BMPR2: variants seen among roughly 807,000 people sequenced by gnomAD.
BMPR2 encodes bone morphogenetic protein receptor type 2, also known as bone morphogenetic protein receptor type-2.
In BMPR2, 29 loss-of-function variants were observed where a neutral mutation model predicts 100.8. That is an observed-to-expected ratio of 0.29 (90% CI 0.21 to 0.39). The LOEUF is 0.39. BMPR2 is among the 10% of genes least tolerant of loss of function. The pLI is 1.00. For synonymous variants in BMPR2, 382 were observed against 442.3 expected (o/e 0.86, Z 1.71); for missense variants, 1,011 against 1,274.5 (o/e 0.79, Z 3.15).
At chr2:202,458,082 G>A (rs959830712) in intron 1 of BMPR2, among the ~76,000 whole-genome samples, 2 of 151,722 alleles carry the variant, frequency 1.3e-5, no homozygotes, top group Non-Finnish European at 2.9e-5. Flanking sequence ...AAATGATATG[G>A]TAACACATGG....
At chr2:202,536,667 G>A (rs1402628975) in intron 9 of BMPR2, among the ~76,000 whole-genome samples, 3 of 151,940 alleles carry the variant, frequency 2.0e-5, no homozygotes, top group Admixed American at 2.0e-4. Flanking sequence ...GAGGTCGGGA[G>A]TTCAAGACCA....
At chr2:202,418,847 C>T (rs1179335348) in intron 1 of BMPR2, among the ~76,000 whole-genome samples, 1 of 152,132 alleles carries the variant, frequency 6.6e-6, no homozygotes, top group Non-Finnish European at 1.5e-5. Flanking sequence ...TCTTCTGGAT[C>T]AGGGAAAAGA....
intron 1 of BMPR2, among the ~76,000 whole-genome samples, chr2:202,446,776 G>C (rs1197872196): frequency 6.7e-6 from 1 of 148,902 alleles, no homozygotes; most frequent in African/African-American, 2.6e-5. Flanking sequence ...TCAGCCTCCT[G>C]AGTATCTGGG....
intron 1 of BMPR2, among the ~76,000 whole-genome samples, chr2:202,390,190 G>A (rs1690518740): frequency 6.6e-6 from 1 of 152,086 alleles, no homozygotes; most frequent in South Asian, 2.1e-4. Flanking sequence ...TGTGATTATT[G>A]ATCTGGGACA....
chr2:202,391,218 C>T (rs1043151366), intron 1 of BMPR2, among the ~76,000 whole-genome samples: 2 of 151,732 alleles, frequency 1.3e-5, no homozygotes, highest in Non-Finnish European at 2.9e-5. Context: ...TCAGGTGATC[C>T]GCCCGCCTCA....
chr2:202,444,647 A>G lies in BMPR2; in HGVS notation c.77-20162A>G, dbSNP rs538274414. Among the ~76,000 whole-genome samples, 28 of 150,924 alleles carry G rather than the reference A, an allele frequency of 1.9e-4. 1 individual carries two copies. The highest frequency in any genetic ancestry group is 6.6e-4 in the Admixed American group (10 of 15,264). ...CACTATACATGTACTAAAATGTTCT[A>G]TGTAATATTGGATGGAATGATCCAT... On this transcript the variant is annotated intron_variant, in intron 1 of 12. Transcript: ENST00000374580.
chr2:202,379,736 CTGAT>C (rs1690231208), intron 1 of BMPR2, among the ~76,000 whole-genome samples: 2 of 152,206 alleles, frequency 1.3e-5, no homozygotes, highest in African/African-American at 2.4e-5. Context: ...TCCTAGAAGA[CTGAT>C]TGATAGCACA....
At chr2:202,450,691 CAAAAAAA>C (rs761806972) in intron 1 of BMPR2, among the ~76,000 whole-genome samples, 2 of 41,230 alleles carry the variant, frequency 4.9e-5, no homozygotes, top group African/African-American at 1.6e-4. Context: ...AACTCCATCT[CAAAAAAA>C]AAAAAAAAAA....
Position 202,567,265 on chromosome 2 carries a change from G to T in BMPR2, c.*7319G>T, listed in dbSNP as rs1254481424. 2 of 152,538 alleles carry T rather than the reference G, an allele frequency of 1.3e-5. No homozygotes were observed. Among genetic ancestry groups the T allele is most frequent in the Non-Finnish European group, 2.9e-5 (2 of 68,026 alleles). 9.4% of individuals were successfully genotyped at this position (152,538 alleles called of 1,614,324 possible). On this transcript the variant is annotated 3_prime_UTR_variant, in exon 13 of 13. Coordinates refer to ENST00000374580, the MANE Select transcript of BMPR2 (RefSeq NM_001204.7). ...AATGGACAGGAGAAACATAAGCTACGGAGTATTCACTTCTGAGGATGCTTT... is the reference window on the plus strand; with the variant it reads ...AATGGACAGGAGAAACATAAGCTACTGAGTATTCACTTCTGAGGATGCTTT...
intron 1 of BMPR2, among the ~76,000 whole-genome samples, chr2:202,407,806 C>T (rs1235977212): frequency 6.6e-6 from 1 of 151,842 alleles, no homozygotes; most frequent in Non-Finnish European, 1.5e-5. Context: ...TGCATAACTT[C>T]TTTTAACTCA....
chr2:202,398,767 C>T (rs1386019825), intron 1 of BMPR2, among the ~76,000 whole-genome samples: 1 of 152,028 alleles, frequency 6.6e-6, no homozygotes, highest in East Asian at 1.9e-4. Flanking sequence ...GAGAAAATAC[C>T]GTAGTATTTT....
intron 3 of BMPR2, among the ~76,000 whole-genome samples, chr2:202,494,893 C>T (rs925805254): frequency 6.6e-5 from 10 of 152,092 alleles, no homozygotes; most frequent in African/African-American, 2.4e-4. Flanking sequence ...GAAATTTAAC[C>T]AATCATATGG....
chr2:202,540,531 C>T lies in BMPR2; in HGVS notation c.1277-1780C>T, dbSNP rs868052784. Among the ~76,000 whole-genome samples the T allele has an allele frequency of 7.9e-5, 12 of 152,144 alleles. No individual in the cohort carries two copies. The South Asian group carries it at 8.3e-4, about 10-fold the overall frequency. On this transcript the variant is annotated intron_variant, in intron 9 of 12. Coordinates refer to ENST00000374580, the MANE Select transcript of BMPR2 (RefSeq NM_001204.7). ...ATACATAAGGCAGTATTACAACAAA[C>T]TTGGGCGATGCTGCACAGATAATAG...
intron 7 of BMPR2, among the ~76,000 whole-genome samples, chr2:202,528,312 A>T (rs554240579): frequency 6.6e-6 from 1 of 152,206 alleles, no homozygotes; most frequent in Admixed American, 6.5e-5. Context: ...CTCAGCCTCC[A>T]GAGTAGCTGG....
intron 7 of BMPR2, among the ~76,000 whole-genome samples, chr2:202,521,440 A>G (rs1687817882): frequency 6.6e-6 from 1 of 151,910 alleles, no homozygotes; most frequent in South Asian, 2.1e-4. Flanking sequence ...GGTGGCATGC[A>G]CCTGTAGTCG....
Position 202,475,433 on chromosome 2 carries a change from T to C in BMPR2, c.418+7744T>C, listed in dbSNP as rs541782771. 1.2e-4 allele frequency among the ~76,000 whole-genome samples: 18 copies of C among 152,274 alleles called. No homozygotes were observed. The East Asian group carries it at 3.3e-3, about 28-fold the overall frequency. ...CACAAAAATAAAAAATTAAAAAATA[T>C]ATATTAATGTAGAAGGCACAGGATA... is the stretch of plus-strand genomic sequence containing the variant. On this transcript the variant is annotated intron_variant, in intron 3 of 12. Transcript: ENST00000374580.
chr2:202,393,008 A>G (rs868168174), intron 1 of BMPR2, among the ~76,000 whole-genome samples: 3,709 of 150,568 alleles, frequency 0.025, 70 homozygotes, highest in Middle Eastern at 0.044. Flanking sequence ...AAAAAAAAAA[A>G]AAGTTAAGGG....
chr2:202,539,961 G>T (rs1688242278), intron 9 of BMPR2, among the ~76,000 whole-genome samples: 2 of 152,052 alleles, frequency 1.3e-5, no homozygotes, highest in Non-Finnish European at 2.9e-5. Context: ...ATCCAATAAG[G>T]TTATTATCTT....
intron 1 of BMPR2, among the ~76,000 whole-genome samples, chr2:202,391,155 T>C (rs2105903002): frequency 6.6e-6 from 1 of 151,932 alleles, no homozygotes; most frequent in Middle Eastern, 3.4e-3. Context: ...TTTGTATTTT[T>C]AGTAGAGACA....
Sources: allele counts gnomAD v4.1 joint callset (sites outside exome capture counted in the v4.1 genomes callset), GRCh38; gene constraint gnomAD v4.1.1; transcripts MANE v1.5; gene names NCBI Gene and HGNC (gene_info 2026-07-23, HGNC 2026-07-21).